NKD1: variants seen among roughly 807,000 people sequenced by gnomAD.
NKD1 encodes the protein NKD inhibitor of Wnt signaling pathway 1.
NKD1 carries 21 observed loss-of-function variants against 56.0 expected under a neutral mutation model. The ratio of observed to expected loss-of-function variants is 0.38; its 90% CI spans 0.27 to 0.54. The LOEUF (loss-of-function observed/expected upper bound fraction) is 0.54. Among genes scored for constraint, NKD1 ranks in the 20% least tolerant of loss-of-function variants. The pLI is 0.82. For missense variants in NKD1, 578 were observed against 642.7 expected (o/e 0.90, Z 1.09); for synonymous variants, 263 against 265.7 (o/e 0.99, Z 0.10).
At position 50,633,676 on chromosome 16, in the gene NKD1, C is replaced by T. The variant is rs754255868; in HGVS notation, c.1308C>T (p.Pro436=). 1.1e-5 allele frequency: 17 copies of T among 1,601,468 alleles called. No individual in the cohort carries two copies. Among genetic ancestry groups the T allele is most frequent in the Admixed American group, 3.4e-5 (2 of 58,470 alleles). Residue 436 remains proline (P), a synonymous_variant, in exon 10 of 10, where the codon CCC becomes CCT. Coordinates refer to ENST00000268459, the MANE Select transcript of NKD1 (RefSeq NM_033119.5). This position sits in a 1 kb window ranked among gnomAD's most constrained non-coding sequence, Gnocchi z 4.9. ...VLGREHLREL[P]ALVVYESQAG... The stretch of plus-strand genomic sequence containing the variant: ...GGCGGGAGCACCTGCGGGAGCTGCC[C>T]GCCTTGGTGGTGTATGAGAGCCAGG...
chr16:50,621,255 C>G (rs961116791), intron 4 of NKD1, among the ~76,000 whole-genome samples: 4 of 152,244 alleles, frequency 2.6e-5, no homozygotes, highest in African/African-American at 4.8e-5. Flanking sequence ...CCTAAGCTCC[C>G]TCGCTGGGCT....
intron 3 of NKD1, among the ~76,000 whole-genome samples, chr16:50,602,587 AC>A (rs916981599): frequency 5.5e-4 from 83 of 150,490 alleles, no homozygotes; most frequent in African/African-American, 1.9e-3. Context: ...GGGGTTTATG[AC>A]CCCCCCCACA....
At position 50,623,105 on chromosome 16, in the gene NKD1, A is replaced by C. The variant is rs1962129879; in HGVS notation, c.366+1397A>C. Among the ~76,000 whole-genome samples, 1 of 152,144 alleles carries C rather than the reference A, an allele frequency of 6.6e-6. No homozygotes were observed. The highest frequency in any genetic ancestry group is 2.4e-5 in the African/African-American group (1 of 41,448). On this transcript the variant is annotated intron_variant, in intron 5 of 9. Transcript: ENST00000268459. This position sits in a 1 kb window ranked among gnomAD's most constrained non-coding sequence, Gnocchi z 4.1. ...ATCAGGCAGAGGGAGCTGCAGGAGC[A>C]AAGGCCTGGAGGCTGAAGTGCCGGC...
At chr16:50,560,163 A>G (rs1298137664) in intron 3 of NKD1, among the ~76,000 whole-genome samples, 3 of 152,210 alleles carry the variant, frequency 2.0e-5, no homozygotes, top group African/African-American at 7.2e-5. Flanking sequence ...TAATCCAGGA[A>G]CAAAGTTGCC....
intron 3 of NKD1, among the ~76,000 whole-genome samples, chr16:50,589,698 TC>T (rs1451585156): frequency 3.8e-3 from 74 of 19,274 alleles, no homozygotes; most frequent in Non-Finnish European, 6.5e-3. Flanking sequence ...TTTTCTTTTC[TC>T]TTCTCTTCTC....
At chr16:50,580,420 T>C (rs1287563191) in intron 3 of NKD1, among the ~76,000 whole-genome samples, 1 of 152,198 alleles carries the variant, frequency 6.6e-6, no homozygotes, top group Non-Finnish European at 1.5e-5. Context: ...ACTGGCATAA[T>C]AGCAGGTACA....
At chr16:50,586,093 T>G (rs1396579479) in intron 3 of NKD1, among the ~76,000 whole-genome samples, 2 of 152,050 alleles carry the variant, frequency 1.3e-5, no homozygotes, top group Non-Finnish European at 1.5e-5. Context: ...GAGCTGAAAG[T>G]TTGACCCCGG....
At chr16:50,562,336 C>G (rs1960652151) in intron 3 of NKD1, 1 of 921,202 alleles carries the variant, frequency 1.1e-6, no homozygotes, top group Non-Finnish European at 1.3e-6. Context: ...AGAGAAAGAT[C>G]TGGAAGGGTA....
At chr16:50,627,224 G>C (rs1217851152) in intron 6 of NKD1, among the ~76,000 whole-genome samples, 1 of 152,158 alleles carries the variant, frequency 6.6e-6, no homozygotes, top group Non-Finnish European at 1.5e-5. Context: ...GCTTGACCCA[G>C]AGGCTCAGTG....
intron 3 of NKD1, among the ~76,000 whole-genome samples, chr16:50,562,983 A>ACCCCCCCCCCCCCCCCCCC (rs1483596865): frequency 1.1e-4 from 6 of 53,496 alleles, no homozygotes; most frequent in African/African-American, 5.0e-4. Flanking sequence ...AGGTCCCACC[A>ACCCCCCCCCCCCCCCCCCC]CCACCCCCCC....
chr16:50,610,446 T>C (rs1961818806), intron 4 of NKD1, among the ~76,000 whole-genome samples: 1 of 152,110 alleles, frequency 6.6e-6, no homozygotes, highest in Non-Finnish European at 1.5e-5. Context: ...GGATATGGTG[T>C]GGATGGTAGG....
rs1962484245 is a variant in NKD1 at position 50,637,100 on chromosome 16, A to G, written c.*3319A>G. 1.3e-5 allele frequency: 2 copies of G among 152,234 alleles called. No individual in the cohort carries two copies. The highest frequency in any genetic ancestry group is 3.4e-3 in the Middle Eastern group (1 of 294). 9.4% of individuals were successfully genotyped at this position (152,234 alleles called of 1,614,324 possible). A position where few individuals can be genotyped will look rare whatever the true frequency, so the allele number is the denominator to read the frequency against. On this transcript the variant is annotated 3_prime_UTR_variant, in exon 10 of 10. Transcript: ENST00000268459. ...TGCCCCATCCCCTCCTGGTGGTCATAAGGGTCATCTCTCATCCCAGGCTCT... is the reference window on the plus strand; with the variant it reads ...TGCCCCATCCCCTCCTGGTGGTCATGAGGGTCATCTCTCATCCCAGGCTCT...
At chr16:50,597,317 G>A (rs563534697) in intron 3 of NKD1, among the ~76,000 whole-genome samples, 141 of 152,210 alleles carry the variant, frequency 9.3e-4, no homozygotes, top group African/African-American at 3.3e-3. Context: ...TTTGGGGGCC[G>A]CCAGGCGTCC....
chr16:50,555,253 G>C (rs1203802213), intron 3 of NKD1: 2 of 152,458 alleles, frequency 1.3e-5, no homozygotes, highest in African/African-American at 4.8e-5. Context: ...AATCAAGAAG[G>C]GAATGTGGCC....
intron 3 of NKD1, chr16:50,605,962 A>G (rs1961697378): frequency 6.6e-6 from 1 of 152,154 alleles, no homozygotes; most frequent in East Asian, 1.9e-4. Flanking sequence ...TTGGCTCAAC[A>G]TCCCGCGTGG....
intron 3 of NKD1, chr16:50,574,027 A>T: frequency 1.1e-6 from 1 of 919,922 alleles, no homozygotes; most frequent in Non-Finnish European, 1.3e-6. Context: ...TTAAAATTTT[A>T]TGTCTTTTCA....
chr16:50,549,569 C>A lies in NKD1; in HGVS notation c.192+14C>A, dbSNP rs747583803. Reference sequence around the variant, plus strand: ...CGAAGCACCCGGGTATGATTCCCCACCCCTGCCCCACCTCCTGGCCTCCTT... The same window carrying A: ...CGAAGCACCCGGGTATGATTCCCCAACCCTGCCCCACCTCCTGGCCTCCTT... On this transcript the variant is annotated intron_variant, in intron 3 of 9. Transcript: ENST00000268459. The A allele has an allele frequency of 7.7e-6, 12 of 1,558,668 alleles. No homozygotes were observed. The East Asian group carries it at 2.8e-4, about 36-fold the overall frequency.
intron 4 of NKD1, among the ~76,000 whole-genome samples, chr16:50,620,816 C>T (rs971415412): frequency 2.1e-4 from 32 of 152,292 alleles, no homozygotes; most frequent in African/African-American, 7.5e-4. Context: ...CCTGGGATTT[C>T]ACACTCACCC....
intron 3 of NKD1, among the ~76,000 whole-genome samples, chr16:50,604,899 G>T (rs1415886866): frequency 2.0e-5 from 3 of 152,262 alleles, no homozygotes. Flanking sequence ...GGAGCTTTGA[G>T]TCCTGCTAGG....
Sources: allele counts gnomAD v4.1 joint callset (sites outside exome capture counted in the v4.1 genomes callset), GRCh38; gene constraint gnomAD v4.1.1; non-coding constraint Gnocchi (gnomAD v3.1); transcripts MANE v1.5; gene names NCBI Gene and HGNC (gene_info 2026-07-23, HGNC 2026-07-21).